Variants in ADAMTS16 observed in about 807,000 individuals in gnomAD.
ADAMTS16 encodes ADAM metallopeptidase with thrombospondin type 1 motif 16, also known as A disintegrin and metalloproteinase with thrombospondin motifs 16.
In ADAMTS16, 94 loss-of-function variants were observed where a neutral mutation model predicts 145.8. The ratio of observed to expected loss-of-function variants is 0.64; its 90% CI spans 0.55 to 0.77. The LOEUF is 0.77. Ranked by LOEUF, ADAMTS16 falls within the 30% of genes least tolerant of loss-of-function variation. ADAMTS16 has a pLI of 0.00. For synonymous variants in ADAMTS16, 659 were observed against 604.3 expected (o/e 1.09, Z -1.33); for missense variants, 1,585 against 1,591.5 (o/e 1.00, Z 0.07).
At chr5:5,211,352 A>G (rs778119608) in intron 10 of ADAMTS16, among the ~76,000 whole-genome samples, 3 of 152,174 alleles carry the variant, frequency 2.0e-5, no homozygotes, top group Non-Finnish European at 4.4e-5. Flanking sequence ...TATTTTTTCA[A>G]TGAATGGTTA....
intron 18 of ADAMTS16, among the ~76,000 whole-genome samples, chr5:5,277,224 C>T (rs565822371): frequency 2.6e-5 from 4 of 152,260 alleles, no homozygotes; most frequent in East Asian, 3.9e-4. Context: ...ATGCTTCAGC[C>T]GCATCACAGA....
chr5:5,193,309 C>T (rs1158096334), intron 8 of ADAMTS16, among the ~76,000 whole-genome samples: 2 of 152,148 alleles, frequency 1.3e-5, no homozygotes, highest in African/African-American at 4.8e-5. Context: ...ATTACTGATC[C>T]CTTCATCACC....
intron 11 of ADAMTS16, among the ~76,000 whole-genome samples, chr5:5,227,110 A>T (rs1424844119): frequency 6.6e-6 from 1 of 152,268 alleles, no homozygotes; most frequent in Admixed American, 6.5e-5. Context: ...CGCTAATTTC[A>T]GAAGAGGACA....
chr5:5,176,818 C>CCG (rs1210019827), intron 3 of ADAMTS16, among the ~76,000 whole-genome samples: 1 of 152,136 alleles, frequency 6.6e-6, no homozygotes, highest in African/African-American at 2.4e-5. Flanking sequence ...TCAGGTGTGC[C>CCG]CAGCTGTGCA....
At chr5:5,208,529 T>G (rs1736189761) in intron 9 of ADAMTS16, among the ~76,000 whole-genome samples, 1 of 152,238 alleles carries the variant, frequency 6.6e-6, no homozygotes, top group African/African-American at 2.4e-5. Flanking sequence ...GTTAATTTTC[T>G]GCTTGACTTG....
intron 18 of ADAMTS16, among the ~76,000 whole-genome samples, chr5:5,266,233 ACT>A (rs1167999784): frequency 1.3e-5 from 2 of 151,708 alleles, no homozygotes; most frequent in Non-Finnish European, 2.9e-5. Flanking sequence ...GCTAGAGAAA[ACT>A]CACCCCAACA....
At position 5,146,304 on chromosome 5, in the gene ADAMTS16, G is replaced by C. The variant is rs1430930433; in HGVS notation, c.350G>C (p.Ser117Thr). The C allele has an allele frequency of 3.7e-6, 6 of 1,614,084 alleles. No individual in the cohort carries two copies. The African/African-American group carries it at 8.0e-5, about 22-fold the overall frequency. ...DFHMDLRTSS[S>T]LVAPGFIVQT... The stretch of plus-strand genomic sequence containing the variant: ...CACATGGATCTGAGGACTTCCAGCA[G>C]CCTAGTGGCTCCTGGCTTTATTGTG... The change falls in exon 3 of 23, where the codon AGC becomes ACC. Residue 117 changes from serine (S) to threonine (T), a missense_variant. Ser to Thr is a moderately conservative substitution (Grantham distance 58, BLOSUM62 1). This residue lies in a region of ADAMTS16 where 453 missense variants were observed against 412.1 expected (regional missense o/e 1.10). Transcript: ENST00000274181.
chr5:5,271,917 G>C (rs16875190), intron 18 of ADAMTS16, among the ~76,000 whole-genome samples: 4,708 of 152,198 alleles, frequency 0.031, 238 homozygotes, highest in African/African-American at 0.11. Flanking sequence ...TTACAACCAA[G>C]ATACATGGGT....
At chr5:5,216,833 AC>A (rs1328512604) in intron 10 of ADAMTS16, among the ~76,000 whole-genome samples, 3 of 134,346 alleles carry the variant, frequency 2.2e-5, no homozygotes, top group Non-Finnish European at 3.1e-5. Flanking sequence ...TTCAATTCCC[AC>A]CTATGAGTGA....
intron 3 of ADAMTS16, among the ~76,000 whole-genome samples, chr5:5,170,894 G>A (rs1159797306): frequency 6.6e-6 from 1 of 151,946 alleles, no homozygotes; most frequent in East Asian, 1.9e-4. Flanking sequence ...TTTTTGCTTT[G>A]GTTGCCTGTA....
chr5:5,159,203 A>T (rs7720897), intron 3 of ADAMTS16, among the ~76,000 whole-genome samples: 5 of 152,078 alleles, frequency 3.3e-5, no homozygotes, highest in Non-Finnish European at 7.4e-5. Context: ...ACTCTACATG[A>T]GAAGAAAGAT....
In ADAMTS16 at chr5:5,190,054, G is replaced by A. The variant is rs753335605; in HGVS notation, c.1131G>A (p.Gly377=). The A allele has an allele frequency of 9.3e-6, 15 of 1,613,298 alleles. No individual in the cohort carries two copies. Among genetic ancestry groups the A allele is most frequent in the African/African-American group, 1.3e-5 (1 of 75,020 alleles). ...QWQSGLMGKD[G]TRHDHAILLT... The stretch of plus-strand genomic sequence containing the variant: ...AGTCTGGATTGATGGGGAAAGATGG[G>A]ACTCGTCATGACCACGCCATCTTAC... The change falls in exon 7 of 23, where the codon GGG becomes GGA. Residue 377 remains glycine, a synonymous_variant. Coordinates refer to ENST00000274181, the MANE Select transcript of ADAMTS16 (RefSeq NM_139056.4).
chr5:5,297,913 T>G (rs1210491203), intron 18 of ADAMTS16, among the ~76,000 whole-genome samples: 2 of 152,240 alleles, frequency 1.3e-5, no homozygotes, highest in Non-Finnish European at 2.9e-5. Context: ...CTTTTGAGAC[T>G]GAAGAAAATG....
At position 5,319,645 on chromosome 5, in the gene ADAMTS16, G is replaced by C; in HGVS notation, c.*507G>C. ...CTGGGTGGAGGTCAGGGGAGCTCCA[G>C]GAGGCTGCCCAGGCTCCTCCTCCTC... On this transcript the variant is annotated 3_prime_UTR_variant, in exon 23 of 23. Transcript: ENST00000274181. 2.9e-6 allele frequency: 1 copy of C among 347,846 alleles called. No homozygotes were observed. The highest frequency in any genetic ancestry group is 5.5e-6 in the Non-Finnish European group (1 of 180,368). 21.5% of individuals were successfully genotyped at this position (347,846 alleles called of 1,614,324 possible). A position where few individuals can be genotyped will look rare whatever the true frequency, so the allele number is the denominator to read the frequency against.
chr5:5,205,890 T>C (rs1228201890), intron 9 of ADAMTS16, among the ~76,000 whole-genome samples: 3 of 152,246 alleles, frequency 2.0e-5, no homozygotes, highest in Non-Finnish European at 4.4e-5. Context: ...TCTCCCACTC[T>C]GTGTCTTGTC....
intron 18 of ADAMTS16, among the ~76,000 whole-genome samples, chr5:5,275,075 T>A (rs1738637016): frequency 6.6e-6 from 1 of 152,258 alleles, no homozygotes; most frequent in Non-Finnish European, 1.5e-5. Context: ...GCAAATGTGC[T>A]CATAAGTGCT....
At chr5:5,207,956 T>G (rs1173395064) in intron 9 of ADAMTS16, among the ~76,000 whole-genome samples, 1 of 152,204 alleles carries the variant, frequency 6.6e-6, no homozygotes, top group African/African-American at 2.4e-5. Context: ...TTTGTATCGA[T>G]GTTTATGAGA....
intron 14 of ADAMTS16, 116 bp from the exon 15 acceptor site, chr5:5,239,035 A>C (rs1224815266): frequency 8.6e-7 from 1 of 1,159,678 alleles, no homozygotes; most frequent in Non-Finnish European, 1.2e-6. Context: ...TAACTACCCT[A>C]TGTTGGTGAA....
intron 18 of ADAMTS16, among the ~76,000 whole-genome samples, chr5:5,302,500 C>A (rs1258072369): frequency 6.6e-6 from 1 of 152,200 alleles, no homozygotes; most frequent in Non-Finnish European, 1.5e-5. Flanking sequence ...CAAGAACCAA[C>A]ACCACAGAGA....
Sources: gnomAD v4.1 joint callset for allele counts (sites outside exome capture counted in the v4.1 genomes callset) on GRCh38, gnomAD v4.1.1 for gene constraint, gnomAD v4.1.1 regional missense constraint, MANE v1.5 for transcripts, NCBI Gene and HGNC (gene_info 2026-07-23, HGNC 2026-07-21) for gene names.